The following DOCK1 variants were observed in gnomAD, a reference collection of about 807,000 sequenced individuals.
DOCK1 encodes dedicator of cytokinesis 1.
DOCK1 carries 138 observed loss-of-function variants against 262.7 expected under a neutral mutation model. That is an observed-to-expected ratio of 0.53 (90% confidence interval 0.46 to 0.61). The LOEUF (loss-of-function observed/expected upper bound fraction) is 0.61, where lower values mean the gene tolerates loss of function less well. Ranked by LOEUF, DOCK1 falls within the 20% of genes least tolerant of loss-of-function variation. The probability of loss-of-function intolerance (pLI) is 0.00; values close to 1 mark genes in which losing one functional copy is unlikely to be tolerated. For synonymous variants in DOCK1, 866 were observed against 867.4 expected (o/e 1.00, Z 0.03); for missense variants, 1,908 against 2,370.7 (o/e 0.80, Z 4.05).
chr10:127,295,556 T>C (rs1313455083), intron 29 of DOCK1, among the ~76,000 whole-genome samples: 5 of 152,106 alleles, frequency 3.3e-5, no homozygotes, highest in Admixed American at 2.0e-4. Context: ...TGTGGTTGTG[T>C]GCACCTGTAC....
intron 28 of DOCK1, among the ~76,000 whole-genome samples, chr10:127,249,724 AC>A (rs1408403854): frequency 2.6e-5 from 4 of 152,212 alleles, no homozygotes; most frequent in African/African-American, 4.8e-5. Context: ...TTTTTGGACC[AC>A]TGACATATAC....
In DOCK1 at chr10:126,988,003, ATT is replaced by A. The variant is rs5788814; in HGVS notation, c.324+402_324+403del. On this transcript the variant is annotated intron_variant, in intron 5 of 51. Coordinates refer to ENST00000623213, the MANE Select transcript of DOCK1 (RefSeq NM_001290223.2). ...AAGGATCCGGTAGAGGGCAATTACTATTTTTTTTTTTTTTTTTGCCGTTGTCT... is the reference window on the plus strand; with the variant it reads ...AAGGATCCGGTAGAGGGCAATTACTATTTTTTTTTTTTTTTGCCGTTGTCT... 586 of 135,106 alleles carry A rather than the reference ATT, an allele frequency of 4.3e-3. 5 individuals carry two copies. The East Asian group carries it at 0.043, about 10-fold the overall frequency. The allele number at this position is 135,106 out of a possible 1,614,324, so 8.4% of individuals were successfully genotyped here.
intron 27 of DOCK1, among the ~76,000 whole-genome samples, chr10:127,199,010 A>G (rs1274072626): frequency 6.6e-6 from 1 of 151,814 alleles, no homozygotes; most frequent in Non-Finnish European, 1.5e-5. Context: ...GATGGGATGT[A>G]GGCATATTTT....
At chr10:127,011,990 G>C (rs1170076972) in intron 11 of DOCK1, among the ~76,000 whole-genome samples, 1 of 152,120 alleles carries the variant, frequency 6.6e-6, no homozygotes, top group African/African-American at 2.4e-5. Flanking sequence ...CCTGGTGCAC[G>C]TTTATTCCTG....
chr10:127,088,659 G>A (rs562326357), intron 23 of DOCK1, among the ~76,000 whole-genome samples: 282 of 152,230 alleles, frequency 1.9e-3, no homozygotes, highest in African/African-American at 6.3e-3. Flanking sequence ...ACTGGAAGCC[G>A]GGTTTTGGGA....
At chr10:127,166,541 G>T (rs887398737) in intron 27 of DOCK1, among the ~76,000 whole-genome samples, 1 of 152,114 alleles carries the variant, frequency 6.6e-6, no homozygotes, top group East Asian at 1.9e-4. Context: ...CCTCATGGAG[G>T]GCATTCCCAC....
intron 27 of DOCK1, chr10:127,136,091 G>A (rs1044294599): frequency 3.3e-5 from 5 of 152,366 alleles, no homozygotes; most frequent in African/African-American, 7.2e-5. Context: ...TAGTGTTTCC[G>A]CAGAGGATGT....
intron 27 of DOCK1, among the ~76,000 whole-genome samples, chr10:127,213,933 G>T (rs754225009): frequency 6.6e-6 from 1 of 152,126 alleles, no homozygotes; most frequent in African/African-American, 2.4e-5. Context: ...TCCGCCTCTG[G>T]GGTTCACGCC....
chr10:127,432,847 G>T (rs2069393444), intron 47 of DOCK1, among the ~76,000 whole-genome samples: 1 of 152,166 alleles, frequency 6.6e-6, no homozygotes, highest in South Asian at 2.1e-4. Flanking sequence ...GAGGAGGTCA[G>T]TCATTATGGA....
chr10:127,348,460 C>T (rs2063742105), intron 31 of DOCK1, among the ~76,000 whole-genome samples: 1 of 152,162 alleles, frequency 6.6e-6, no homozygotes, highest in South Asian at 2.1e-4. Flanking sequence ...CTTCTGTGTT[C>T]AGGACCGGAA....
chr10:126,930,041 G>A (rs1267294258), intron 1 of DOCK1, among the ~76,000 whole-genome samples: 1 of 152,190 alleles, frequency 6.6e-6, no homozygotes, highest in African/African-American at 2.4e-5. Flanking sequence ...GTCCTGGTTA[G>A]TTCATAAAAA....
intron 38 of DOCK1, among the ~76,000 whole-genome samples, chr10:127,389,830 A>G (rs2066365134): frequency 6.6e-6 from 1 of 152,028 alleles, no homozygotes; most frequent in South Asian, 2.1e-4. Flanking sequence ...CCTGGCCAAT[A>G]TGACAAAACC....
chr10:126,912,200 G>A (rs1447268209), intron 1 of DOCK1, among the ~76,000 whole-genome samples: 8 of 152,064 alleles, frequency 5.3e-5, no homozygotes, highest in Non-Finnish European at 1.2e-4. Flanking sequence ...AGGCTGAGGT[G>A]GGCGGGTCAC....
intron 1 of DOCK1, among the ~76,000 whole-genome samples, chr10:126,963,523 C>T (rs2037385150): frequency 6.6e-6 from 1 of 151,358 alleles, no homozygotes. Context: ...AAACTTCCTT[C>T]CCTCTCTTCC....
At chr10:127,361,339 C>A (rs553806469) in intron 32 of DOCK1, among the ~76,000 whole-genome samples, 14 of 152,104 alleles carry the variant, frequency 9.2e-5, no homozygotes, top group Non-Finnish European at 2.1e-4. Context: ...TGGTCTCGAT[C>A]TCCTGACCTC....
chr10:127,444,623 G>A (rs2070416174), intron 50 of DOCK1, among the ~76,000 whole-genome samples: 1 of 152,168 alleles, frequency 6.6e-6, no homozygotes, highest in African/African-American at 2.4e-5. Context: ...CTTGTGTCTA[G>A]GACTGTGCAC....
chr10:127,109,526 C>G (rs748978849), intron 24 of DOCK1, among the ~76,000 whole-genome samples: 2 of 152,176 alleles, frequency 1.3e-5, no homozygotes. Flanking sequence ...ATCCCAGTGT[C>G]CATTTCTGGT....
chr10:126,919,005 G>T (rs935381119), intron 1 of DOCK1, among the ~76,000 whole-genome samples: 1 of 109,486 alleles, frequency 9.1e-6, no homozygotes, highest in Admixed American at 9.7e-5. Context: ...GGGCCCTTCG[G>T]CCAAGCTTCT....
intron 1 of DOCK1, among the ~76,000 whole-genome samples, chr10:126,935,058 G>A (rs1001657943): frequency 6.6e-6 from 1 of 152,102 alleles, no homozygotes; most frequent in East Asian, 1.9e-4. Flanking sequence ...TGCAGTGAGC[G>A]GATCACGCCA....
Sources: allele counts gnomAD v4.1 joint callset (sites outside exome capture counted in the v4.1 genomes callset), GRCh38; gene constraint gnomAD v4.1.1; transcripts MANE v1.5; gene names NCBI Gene and HGNC (gene_info 2026-07-23, HGNC 2026-07-21).